The following UGGT2 variants were observed in gnomAD, a reference collection of about 807,000 sequenced individuals.
UGGT2 encodes UDP-glucose:glycoprotein glucosyltransferase 2.
Under a neutral mutation model 192.1 loss-of-function variants are expected in UGGT2, and 180 were observed. That is an observed-to-expected ratio of 0.94 (90% CI 0.83 to 1.06). The LOEUF is 1.06. Ranked by LOEUF, UGGT2 falls within the 50% of genes least tolerant of loss-of-function variation. UGGT2 has a pLI of 0.00. For synonymous variants in UGGT2, 580 were observed against 591.0 expected (o/e 0.98, Z 0.27); for missense variants, 1,849 against 1,795.7 (o/e 1.03, Z -0.54).
At chr13:95,828,218 G>A (rs1199890500) in intron 38 of UGGT2, among the ~76,000 whole-genome samples, 1 of 151,986 alleles carries the variant, frequency 6.6e-6, no homozygotes, top group Non-Finnish European at 1.5e-5. Context: ...AGAGAAAGCA[G>A]GAAAGATCTA....
At chr13:96,004,915 C>A (rs1393783752) in intron 5 of UGGT2, among the ~76,000 whole-genome samples, 3 of 151,892 alleles carry the variant, frequency 2.0e-5, no homozygotes, top group African/African-American at 7.3e-5. Context: ...GCTATATATT[C>A]CCAACCAATG....
chr13:95,832,948 C>G lies in UGGT2; in HGVS notation c.4507G>C (p.Glu1503Gln). The G allele has an allele frequency of 6.2e-7, 1 of 1,612,450 alleles. No individual in the cohort carries two copies. ...TTACTTGTATCTTGCTTCTTGTTTT[C>G]AAGATGATCTAATAGTTGTCTTATC... ...AEIRQLLDHL[E>Q]NKKQDTILTH... Residue 1503 changes from glutamate to glutamine, a missense_variant, in exon 38 of 39, where the codon GAA becomes CAA. Physicochemically the swap from Glu to Gln is conservative, Grantham distance 29. Transcript: ENST00000376747.
At chr13:95,968,867 T>C (rs1029073219) in intron 12 of UGGT2, among the ~76,000 whole-genome samples, 2 of 151,600 alleles carry the variant, frequency 1.3e-5, no homozygotes, top group Admixed American at 6.6e-5. Context: ...TATGAAAGGG[T>C]TAACTCAAGA....
chr13:95,852,705 T>C (rs1889174434), intron 36 of UGGT2, among the ~76,000 whole-genome samples: 3 of 152,172 alleles, frequency 2.0e-5, no homozygotes, highest in Non-Finnish European at 2.9e-5. Flanking sequence ...GAGTCTTTTG[T>C]TTCTGCTTAA....
intron 29 of UGGT2, among the ~76,000 whole-genome samples, chr13:95,870,395 A>G (rs1299572916): frequency 2.0e-5 from 3 of 152,212 alleles, no homozygotes; most frequent in Admixed American, 6.5e-5. Context: ...TTTGGAACTT[A>G]GAAGTGAGCG....
chr13:95,953,639 C>T (rs760760731), intron 12 of UGGT2, among the ~76,000 whole-genome samples: 1 of 152,078 alleles, frequency 6.6e-6, no homozygotes, highest in Non-Finnish European at 1.5e-5. Flanking sequence ...CTTGCTCTGT[C>T]TTCACTCTTT....
intron 1 of UGGT2, among the ~76,000 whole-genome samples, chr13:96,038,915 G>A (rs778439698): frequency 2.3e-4 from 35 of 152,014 alleles, no homozygotes; most frequent in African/African-American, 7.0e-4. Context: ...TGAGACTCTG[G>A]GTATGATCCA....
intron 36 of UGGT2, among the ~76,000 whole-genome samples, chr13:95,847,846 G>T (rs1283625028): frequency 1.3e-5 from 2 of 152,188 alleles, no homozygotes; most frequent in Admixed American, 6.5e-5. Context: ...AAATTGTATG[G>T]TAAGAGTTTG....
chr13:95,851,991 A>C (rs574779463), intron 36 of UGGT2, among the ~76,000 whole-genome samples: 1 of 152,314 alleles, frequency 6.6e-6, no homozygotes, highest in African/African-American at 2.4e-5. Flanking sequence ...GAGGACCCTA[A>C]GTCAGTTTTC....
chr13:95,895,307 T>TA lies in UGGT2; in HGVS notation c.2635-4dup. 7.1e-7 allele frequency: 1 copy of TA among 1,412,958 alleles called. No homozygotes were observed. Among genetic ancestry groups the TA allele is most frequent in the Non-Finnish European group, 9.6e-7 (1 of 1,036,732 alleles). 87.5% of individuals were successfully genotyped at this position (1,412,958 alleles called of 1,614,324 possible). A position where few individuals can be genotyped will look rare whatever the true frequency, so the allele number is the denominator to read the frequency against. ...TCTTCATCTAAAGGTCCTAAGAACTTAAAATAAAAACAGTTATATTATCAT... is the reference window on the plus strand; with the variant it reads ...TCTTCATCTAAAGGTCCTAAGAACTTAAAAATAAAAACAGTTATATTATCAT... On this transcript the variant is annotated splice_region_variant and splice_polypyrimidine_tract_variant and intron_variant, in intron 22 of 38. Coordinates refer to ENST00000376747, the MANE Select transcript of UGGT2 (RefSeq NM_020121.4).
intron 38 of UGGT2, among the ~76,000 whole-genome samples, chr13:95,817,435 T>C (rs768274108): frequency 4.6e-5 from 7 of 151,898 alleles, no homozygotes; most frequent in Non-Finnish European, 1.0e-4. Flanking sequence ...AGAAACAAAA[T>C]TAGCTGGGCA....
chr13:95,846,285 C>T (rs999555398), intron 36 of UGGT2, among the ~76,000 whole-genome samples: 11 of 152,234 alleles, frequency 7.2e-5, no homozygotes, highest in Non-Finnish European at 1.2e-4. Context: ...ACCAGTCAGG[C>T]GTGGCAGCGC....
chr13:95,839,323 AC>A, intron 36 of UGGT2, among the ~76,000 whole-genome samples: 1 of 152,202 alleles, frequency 6.6e-6, no homozygotes, highest in Middle Eastern at 3.4e-3. Context: ...ACCTCCATGT[AC>A]CTAATAATCT....
intron 20 of UGGT2, 85 bp downstream of exon 20, chr13:95,925,595 G>A: frequency 4.4e-6 from 4 of 908,194 alleles, no homozygotes; most frequent in Non-Finnish European, 6.2e-6. Flanking sequence ...ACATGGAGGG[G>A]AAAATATTTA....
intron 17 of UGGT2, among the ~76,000 whole-genome samples, chr13:95,933,624 C>G (rs944695387): frequency 1.3e-5 from 2 of 151,904 alleles, no homozygotes; most frequent in Non-Finnish European, 2.9e-5. Flanking sequence ...TCTTGTTTTT[C>G]CTAATTCCTC....
chr13:95,838,213 C>T (rs558832934), intron 36 of UGGT2, among the ~76,000 whole-genome samples: 34 of 151,912 alleles, frequency 2.2e-4, no homozygotes, highest in African/African-American at 2.9e-4. Flanking sequence ...ACATTAGCAC[C>T]GAAAAAGAGA....
intron 38 of UGGT2, among the ~76,000 whole-genome samples, chr13:95,823,863 T>C (rs1316891413): frequency 1.3e-5 from 2 of 152,034 alleles, no homozygotes; most frequent in Non-Finnish European, 2.9e-5. Flanking sequence ...GAGTTTTTTA[T>C]TTTTTATTTT....
intron 38 of UGGT2, among the ~76,000 whole-genome samples, chr13:95,814,739 G>A (rs1469173835): frequency 2.6e-5 from 4 of 152,076 alleles, no homozygotes; most frequent in African/African-American, 9.7e-5. Flanking sequence ...CATTCTATTA[G>A]ACAAGCATTA....
At chr13:96,050,332 A>G (rs990376179) in intron 1 of UGGT2, among the ~76,000 whole-genome samples, 4 of 152,358 alleles carry the variant, frequency 2.6e-5, no homozygotes, top group Middle Eastern at 3.4e-3. Context: ...AATTAATTCA[A>G]GATGGACTAA....
Sources: allele counts gnomAD v4.1 joint callset (sites outside exome capture counted in the v4.1 genomes callset), GRCh38; gene constraint gnomAD v4.1.1; transcripts MANE v1.5; gene names NCBI Gene and HGNC (gene_info 2026-07-23, HGNC 2026-07-21).